AGO2: variants seen among roughly 807,000 people sequenced by gnomAD.
AGO2 encodes argonaute RISC catalytic component 2.
A neutral mutation model predicts 102.3 loss-of-function variants in AGO2; 5 were observed. The observed-to-expected ratio is 0.05, with a 90% CI of 0.03 to 0.10. The LOEUF (loss-of-function observed/expected upper bound fraction) is 0.10. AGO2 is among the 10% of genes least tolerant of loss of function. AGO2 has a pLI of 1.00. For synonymous variants in AGO2, 449 were observed against 473.1 expected, an observed-to-expected ratio of 0.95 and a Z score of 0.66; for missense variants, 541 against 1,183.7, an observed-to-expected ratio of 0.46 and a Z score of 7.97.
upstream of AGO2, among the ~76,000 whole-genome samples, chr8:140,638,611 A>G (rs2152114357): frequency 6.6e-6 from 1 of 152,354 alleles, no homozygotes; most frequent in Non-Finnish European, 1.5e-5. Context: ...TTGAGACAGG[A>G]TCACCAAAGT....
In AGO2 at chr8:140,635,478, G is replaced by C; in HGVS notation, c.22+7C>G. 2.0e-6 allele frequency: 2 copies of C among 980,270 alleles called. No individual in the cohort carries two copies. The highest frequency in any genetic ancestry group is 2.4e-6 in the Non-Finnish European group (2 of 827,882). The allele number at this position is 980,270 out of a possible 1,614,324, so 60.7% of individuals were successfully genotyped here. A position where few individuals can be genotyped will look rare whatever the true frequency, so the allele number is the denominator to read the frequency against. On this transcript the variant is annotated splice_region_variant and intron_variant, in intron 1 of 18. Transcript: ENST00000220592. ...GCCGGGCGGGCGCCCCGAGCGCCAG[G>C]ACTCACCGGGGCCGGCTCCCGAGTA...
chr8:140,632,906 CTTTTT>C (rs56679517), intron 1 of AGO2, among the ~76,000 whole-genome samples: 1 of 142,614 alleles, frequency 7.0e-6, no homozygotes, highest in East Asian at 2.0e-4. Flanking sequence ...TTTTTCTTTT[CTTTTT>C]TTTTTTTTTC....
intron 1 of AGO2, among the ~76,000 whole-genome samples, chr8:140,618,811 G>A (rs2074177214): frequency 6.6e-6 from 1 of 150,522 alleles, no homozygotes; most frequent in African/African-American, 2.4e-5. Context: ...GTGAGACCTT[G>A]TCTCAAAAAA....
chr8:140,547,257 C>T (rs1421723877), intron 13 of AGO2, among the ~76,000 whole-genome samples: 1 of 152,260 alleles, frequency 6.6e-6, no homozygotes, highest in East Asian at 1.9e-4. Flanking sequence ...AACCCGGCCA[C>T]AGTGCTCAAA....
At chr8:140,609,708 TAGA>T (rs2133063665) in intron 1 of AGO2, among the ~76,000 whole-genome samples, 1 of 152,300 alleles carries the variant, frequency 6.6e-6, no homozygotes, top group African/African-American at 2.4e-5. Flanking sequence ...CTTCAGCATC[TAGA>T]AGAAGGCCCA....
At chr8:140,581,061 T>C (rs1156244849) in intron 2 of AGO2, among the ~76,000 whole-genome samples, 1 of 152,274 alleles carries the variant, frequency 6.6e-6, no homozygotes, top group Non-Finnish European at 1.5e-5. Context: ...GCTTGTGTAC[T>C]GTGGTCGATG....
intron 17 of AGO2, among the ~76,000 whole-genome samples, chr8:140,534,511 TCAA>T (rs564644687): frequency 1.1e-3 from 160 of 152,266 alleles, no homozygotes; most frequent in Middle Eastern, 3.4e-3. Flanking sequence ...CGCCTGCTTC[TCAA>T]CAACCCTTCA....
In AGO2 at chr8:140,531,878, T is replaced by C. The variant is rs111226002; in HGVS notation, c.*166A>G. On this transcript the variant is annotated 3_prime_UTR_variant, in exon 19 of 19. Transcript: ENST00000220592. ...CAGGTCTGCAGTTCAAAATCCAAGTTTGAAATCTGGGACGGAAGGCATTCT... is the reference window on the plus strand; with the variant it reads ...CAGGTCTGCAGTTCAAAATCCAAGTCTGAAATCTGGGACGGAAGGCATTCT... 1 of 629,372 alleles carries C rather than the reference T, an allele frequency of 1.6e-6. No individual in the cohort carries two copies. The highest frequency in any genetic ancestry group is 2.8e-6 in the Non-Finnish European group (1 of 360,930). The allele number at this position is 629,372 out of a possible 1,614,324, so 39.0% of individuals were successfully genotyped here.
chr8:140,581,209 C>T (rs954290787), intron 2 of AGO2, among the ~76,000 whole-genome samples: 1 of 152,238 alleles, frequency 6.6e-6, no homozygotes, highest in Non-Finnish European at 1.5e-5. Context: ...TTGAGACCAG[C>T]CTGGGCAACA....
At chr8:140,551,958 G>A (rs759308960) in intron 10 of AGO2, among the ~76,000 whole-genome samples, 2 of 152,166 alleles carry the variant, frequency 1.3e-5, no homozygotes, top group Non-Finnish European at 2.9e-5. Context: ...TGAATGGATG[G>A]ATGGATGGAG....
At chr8:140,597,565 TG>T (rs2073867105) in intron 1 of AGO2, among the ~76,000 whole-genome samples, 1 of 140,796 alleles carries the variant, frequency 7.1e-6, no homozygotes, top group Admixed American at 8.1e-5. Context: ...ATCTTGAGGA[TG>T]GAAGGAGAAA....
Position 140,547,636 on chromosome 8 carries a change from C to T in AGO2, c.1589-9G>A. On this transcript the variant is annotated splice_polypyrimidine_tract_variant and intron_variant, in intron 12 of 18. Transcript: ENST00000220592. ...CACGCGCTTGACCTCGGCTAAGGGACATGAGAGGCACACACAGCTCTGCCG... is the reference window on the plus strand; with the variant it reads ...CACGCGCTTGACCTCGGCTAAGGGATATGAGAGGCACACACAGCTCTGCCG... The T allele has an allele frequency of 6.2e-7, 1 of 1,608,534 alleles. No individual in the cohort carries two copies. Among genetic ancestry groups the T allele is most frequent in the South Asian group, 1.1e-5 (1 of 90,662 alleles).
intron 2 of AGO2, among the ~76,000 whole-genome samples, chr8:140,573,365 T>A (rs1055885880): frequency 6.6e-6 from 1 of 151,620 alleles, no homozygotes; most frequent in South Asian, 2.1e-4. Context: ...TTTTAGTAGA[T>A]ACAAGGTTTC....
Position 140,523,844 on chromosome 8 carries a change from G to A in AGO2, c.*8200C>T, listed in dbSNP as rs117300981. On this transcript the variant is annotated 3_prime_UTR_variant, in exon 19 of 19. Transcript: ENST00000220592. ...CTTGCCTTGCAGGATGGTGGGTTGG[G>A]GGAGAAAGAGGGGAGGGCCAAGAGG... 1,519 of 152,282 alleles carry A rather than the reference G, an allele frequency of 1.0e-2. 16 individuals are homozygous for A. Among genetic ancestry groups the A allele is most frequent in the Middle Eastern group, 0.02 (6 of 296 alleles). The allele number at this position is 152,282 out of a possible 1,614,324, so 9.4% of individuals were successfully genotyped here. A position where few individuals can be genotyped will look rare whatever the true frequency, so the allele number is the denominator to read the frequency against.
chr8:140,606,872 G>A (rs1216662126), intron 1 of AGO2, among the ~76,000 whole-genome samples: 3 of 150,708 alleles, frequency 2.0e-5, no homozygotes, highest in Admixed American at 2.0e-4. Flanking sequence ...GGGAGACGGA[G>A]GTTGTGGTGA....
chr8:140,552,733 C>T (rs563993520), intron 10 of AGO2, among the ~76,000 whole-genome samples: 78 of 122,450 alleles, frequency 6.4e-4, no homozygotes, highest in Non-Finnish European at 5.0e-4. Context: ...CATGCACGCG[C>T]GCGCGCGCAC....
In AGO2 at chr8:140,567,260, C is replaced by A. The variant is rs2073302583; in HGVS notation, c.337-4626G>T. On this transcript the variant is annotated intron_variant, in intron 3 of 18. Transcript: ENST00000220592. The surrounding 1 kb of genome is among the most constrained non-coding windows in gnomAD (Gnocchi z 5.0). ...CCACGTCCACAGTGGCTGGCTGGTG[C>A]TCGTGTGTGGCAGCTTAGGGCTGCA... 6.6e-6 allele frequency among the ~76,000 whole-genome samples: 1 copy of A among 152,276 alleles called. No individual in the cohort carries two copies. The highest frequency in any genetic ancestry group is 1.5e-5 in the Non-Finnish European group (1 of 68,048).
upstream of AGO2, chr8:140,636,221 A>G (rs1477001585): frequency 6.6e-6 from 1 of 150,846 alleles, no homozygotes; most frequent in Non-Finnish European, 1.5e-5. Flanking sequence ...CCACACCGCC[A>G]CCTCCCGGCG....
intron 13 of AGO2, 76 bp from the exon 14 acceptor site, chr8:140,544,379 C>CAAAAGG: frequency 4.8e-6 from 6 of 1,240,812 alleles, no homozygotes; most frequent in Non-Finnish European, 5.6e-6. Flanking sequence ...CCACCATCAC[C>CAAAAGG]TTTTGGAGGT....
Sources: gnomAD v4.1 joint callset for allele counts (sites outside exome capture counted in the v4.1 genomes callset) on GRCh38, gnomAD v4.1.1 for gene constraint, Gnocchi (gnomAD v3.1) non-coding constraint, MANE v1.5 for transcripts, NCBI Gene and HGNC (gene_info 2026-07-23, HGNC 2026-07-21) for gene names.